Variants in CSMD1 observed in about 807,000 individuals in gnomAD.
CSMD1 encodes CUB and Sushi multiple domains 1.
CSMD1 carries 213 observed loss-of-function variants against 417.5 expected under a neutral mutation model. That is an observed-to-expected ratio of 0.51 (90% confidence interval 0.46 to 0.57). CSMD1 has a LOEUF of 0.57. Among genes scored for constraint, CSMD1 ranks in the 20% least tolerant of loss-of-function variants. The pLI is 0.00. For missense variants in CSMD1, 6,923 were observed against 4,529.7 expected, an observed-to-expected ratio of 1.53 and a Z score of -15.17; for synonymous variants, 2,862 against 1,736.8, an observed-to-expected ratio of 1.65 and a Z score of -16.11.
chr8:4,573,292 G>C (rs1028496122), intron 2 of CSMD1, among the ~76,000 whole-genome samples: 1 of 152,128 alleles, frequency 6.6e-6, no homozygotes, highest in Non-Finnish European at 1.5e-5. Context: ...ATGACCTTTG[G>C]ATGGGATTTT....
chr8:3,663,555 G>A (rs369267920), intron 7 of CSMD1, among the ~76,000 whole-genome samples: 10 of 152,112 alleles, frequency 6.6e-5, no homozygotes, highest in East Asian at 1.9e-4. Context: ...CGGCCAACCT[G>A]CCTCCAACTC....
intron 1 of CSMD1, among the ~76,000 whole-genome samples, chr8:4,805,658 AAATT>A (rs1240338353): frequency 1.3e-5 from 2 of 152,214 alleles, no homozygotes; most frequent in African/African-American, 4.8e-5. Flanking sequence ...TTAAACACAT[AAATT>A]ATTTTAAAAT....
chr8:4,826,167 G>A (rs768490713), intron 1 of CSMD1, among the ~76,000 whole-genome samples: 17 of 152,038 alleles, frequency 1.1e-4, no homozygotes, highest in Non-Finnish European at 2.1e-4. Context: ...TCAGGATCTT[G>A]TAGAGACATG....
chr8:4,444,382 G>C (rs1154063), intron 2 of CSMD1, among the ~76,000 whole-genome samples: 21 of 128,368 alleles, frequency 1.6e-4, no homozygotes, highest in African/African-American at 6.5e-4. Context: ...AAAAAGCAGA[G>C]GTTCTTGGAG....
At chr8:4,341,464 A>G (rs112038872) in intron 3 of CSMD1, among the ~76,000 whole-genome samples, 1 of 152,120 alleles carries the variant, frequency 6.6e-6, no homozygotes. Context: ...AAGAAGCAGT[A>G]TTCTCTGTGA....
intron 7 of CSMD1, among the ~76,000 whole-genome samples, chr8:3,621,657 A>T (rs1006755103): frequency 5.3e-5 from 8 of 151,982 alleles, no homozygotes; most frequent in African/African-American, 1.7e-4. Flanking sequence ...CAGTGGCATA[A>T]TCATGGCTCA....
At chr8:3,909,012 G>C (rs1387596495) in intron 5 of CSMD1, among the ~76,000 whole-genome samples, 3 of 152,196 alleles carry the variant, frequency 2.0e-5, no homozygotes, top group Non-Finnish European at 4.4e-5. Flanking sequence ...TACTGTAGGA[G>C]GCTTGCCTTT....
chr8:4,356,308 A>G (rs1801428144), intron 3 of CSMD1, among the ~76,000 whole-genome samples: 1 of 147,164 alleles, frequency 6.8e-6, no homozygotes, highest in African/African-American at 2.6e-5. Context: ...ATTATGGCTA[A>G]GTAGTATTCA....
intron 2 of CSMD1, among the ~76,000 whole-genome samples, chr8:4,598,366 G>T (rs1299645214): frequency 6.6e-6 from 1 of 152,146 alleles, no homozygotes; most frequent in Non-Finnish European, 1.5e-5. Context: ...AGGGGCTGGT[G>T]CCTAGATATT....
intron 6 of CSMD1, among the ~76,000 whole-genome samples, chr8:3,746,838 A>T (rs1221655478): frequency 3.3e-5 from 5 of 152,210 alleles, no homozygotes; most frequent in African/African-American, 1.2e-4. Context: ...ATCTTCTTTG[A>T]TGAAGGTCAA....
intron 10 of CSMD1, among the ~76,000 whole-genome samples, chr8:3,527,408 A>G (rs887077875): frequency 6.6e-6 from 1 of 152,188 alleles, no homozygotes; most frequent in African/African-American, 2.4e-5. Flanking sequence ...TGACAAAATT[A>G]TAGGGATGGG....
In CSMD1 at chr8:4,265,505, G is replaced by A. The variant is rs542422761; in HGVS notation, c.415+154448C>T. 2.6e-4 allele frequency among the ~76,000 whole-genome samples: 27 copies of A among 104,038 alleles called. 9 individuals carry two copies. Among genetic ancestry groups the A allele is most frequent in the South Asian group, 3.8e-4 (1 of 2,654 alleles). The allele number at this position is 104,038 out of a possible 152,430, so 68.3% of individuals were successfully genotyped here. On this transcript the variant is annotated intron_variant, in intron 3 of 69. Coordinates refer to ENST00000635120, the MANE Select transcript of CSMD1 (RefSeq NM_033225.6). ...AATATTGGAACCTGTTTCAAAAATA[G>A]CAAAATTTAATAGTACAATTTAAAA...
chr8:3,138,817 A>C (rs906005746), intron 41 of CSMD1, among the ~76,000 whole-genome samples: 10 of 152,252 alleles, frequency 6.6e-5, no homozygotes, highest in African/African-American at 2.4e-4. Context: ...GAGAGACAGC[A>C]GATCCTTATA....
rs117382058 is a variant in CSMD1, at chr8:4,214,647, C to T, written c.416-182548G>A. Among the ~76,000 whole-genome samples the T allele has an allele frequency of 2.3e-4, 35 of 152,086 alleles. No homozygotes were observed. In the East Asian group the frequency reaches 6.0e-3, roughly 26 times the overall value. On this transcript the variant is annotated intron_variant, in intron 3 of 69. Transcript: ENST00000635120. The stretch of plus-strand genomic sequence containing the variant: ...AACACTGAGTATGTATTTGCATGCA[C>T]GTGTATGTGTGTGTGTATGAGTATG...
chr8:3,718,897 G>T (rs1217126328), intron 6 of CSMD1, among the ~76,000 whole-genome samples: 3 of 152,060 alleles, frequency 2.0e-5, no homozygotes, highest in Admixed American at 1.3e-4. Context: ...TGATCTATCG[G>T]TTTACACCAC....
intron 3 of CSMD1, among the ~76,000 whole-genome samples, chr8:4,210,716 A>C (rs578245919): frequency 9.8e-5 from 15 of 152,324 alleles, no homozygotes; most frequent in African/African-American, 3.6e-4. Flanking sequence ...TTGTAATGTT[A>C]AACACTAAAA....
At chr8:3,312,548 G>C (rs934040494) in intron 23 of CSMD1, among the ~76,000 whole-genome samples, 2 of 152,170 alleles carry the variant, frequency 1.3e-5, no homozygotes, top group African/African-American at 2.4e-5. Flanking sequence ...TTCTCTCAAA[G>C]CTCCTCGCAG....
intron 3 of CSMD1, among the ~76,000 whole-genome samples, chr8:4,227,394 T>A (rs1051466326): frequency 6.6e-6 from 1 of 152,092 alleles, no homozygotes. Context: ...TATCCACTTA[T>A]AAGAACCCTG....
intron 5 of CSMD1, among the ~76,000 whole-genome samples, chr8:3,790,514 G>A (rs1799676867): frequency 6.6e-6 from 1 of 152,136 alleles, no homozygotes; most frequent in African/African-American, 2.4e-5. Context: ...TTATGACGGT[G>A]ATAACCGTGT....
Sources: gnomAD v4.1 joint callset for allele counts (sites outside exome capture counted in the v4.1 genomes callset) on GRCh38, gnomAD v4.1.1 for gene constraint, MANE v1.5 for transcripts, NCBI Gene and HGNC (gene_info 2026-07-23, HGNC 2026-07-21) for gene names.